C6: variants seen among roughly 807,000 people sequenced by gnomAD.
C6 encodes the protein complement C6.
Under a neutral mutation model 112.9 loss-of-function variants are expected in C6, and 101 were observed. The observed-to-expected ratio is 0.89, with a 90% CI of 0.76 to 1.06. C6 has a LOEUF of 1.06. C6 is among the 50% of genes least tolerant of loss of function. The pLI, the probability that C6 is intolerant of heterozygous loss-of-function variation, is 0.00. For missense variants in C6, 1,202 were observed against 1,104.6 expected, an observed-to-expected ratio of 1.09 and a Z score of -1.25; for synonymous variants, 431 against 384.1, an observed-to-expected ratio of 1.12 and a Z score of -1.43.
chr5:41,259,245 A>G lies in C6; in HGVS notation c.-21+1949T>C, dbSNP rs548167405. 3.3e-5 allele frequency among the ~76,000 whole-genome samples: 5 copies of G among 152,088 alleles called. No individual in the cohort carries two copies. In the South Asian group the frequency reaches 1.0e-3, roughly 32 times the overall value. ...TGTTTGATGAAATTATGAAAAAGAT[A>G]TAAATCTAACCTTAGTTCTTCTTAA... On this transcript the variant is annotated intron_variant, in intron 1 of 17. Transcript: ENST00000263413.
At chr5:41,150,730 T>C (rs1011615683) in intron 15 of C6, among the ~76,000 whole-genome samples, 1 of 151,706 alleles carries the variant, frequency 6.6e-6, no homozygotes, top group Non-Finnish European at 1.5e-5. Context: ...GTACTAAAAA[T>C]ACCAAAATTA....
chr5:41,173,556 C>T (rs1748603457), intron 8 of C6, among the ~76,000 whole-genome samples: 3 of 152,110 alleles, frequency 2.0e-5, no homozygotes, highest in African/African-American at 7.2e-5. Flanking sequence ...TTGCAGAATA[C>T]GAGCACATGA....
At chr5:41,166,473 G>A (rs908844195) in intron 9 of C6, among the ~76,000 whole-genome samples, 1 of 152,148 alleles carries the variant, frequency 6.6e-6, no homozygotes, top group African/African-American at 2.4e-5. Context: ...ACTTAGGACA[G>A]TGCCTGGAGC....
chr5:41,193,212 A>G lies in C6; in HGVS notation c.587+2580T>C, dbSNP rs183903194. ...TCACAAGCAAAAAAGGGCTTGAGAA[A>G]AATGGCTCTCAGGTCATGAGGAATC... On this transcript the variant is annotated intron_variant, in intron 5 of 17. Coordinates refer to ENST00000337836, the MANE Select transcript of C6 (RefSeq NM_000065.5). Among the ~76,000 whole-genome samples, 339 of 152,304 alleles carry G rather than the reference A, an allele frequency of 2.2e-3. 2 individuals carry two copies. The highest frequency in any genetic ancestry group is 4.2e-3 in the Non-Finnish European group (288 of 68,022).
intron 1 of C6, among the ~76,000 whole-genome samples, chr5:41,230,006 C>T (rs948589461): frequency 7.2e-5 from 11 of 152,200 alleles, no homozygotes; most frequent in South Asian, 2.1e-4. Flanking sequence ...TTACCGCAAT[C>T]GCTGAACATA....
At chr5:41,217,630 CT>C (rs1028053815), upstream of C6, among the ~76,000 whole-genome samples, 2 of 152,040 alleles carry the variant, frequency 1.3e-5, no homozygotes, top group Non-Finnish European at 2.9e-5. Context: ...GGAATAAACT[CT>C]TTGGTGATTC....
intron 1 of C6, among the ~76,000 whole-genome samples, chr5:41,248,408 A>T (rs538161322): frequency 6.6e-6 from 1 of 152,324 alleles, no homozygotes; most frequent in East Asian, 1.9e-4. Context: ...GGGAGTAAAT[A>T]TTTGCAAGCT....
At chr5:41,234,954 T>TGAGATTTGTCCTTCTATTCA (rs1315924790) in intron 1 of C6, among the ~76,000 whole-genome samples, 1 of 152,070 alleles carries the variant, frequency 6.6e-6, no homozygotes, top group East Asian at 1.9e-4. Context: ...GAATCTTGGC[T>TGAGATTTGTCCTTCTATTCA]GAGATTTGTC....
At chr5:41,144,786 C>T (rs1745662449) in intron 17 of C6, among the ~76,000 whole-genome samples, 1 of 152,096 alleles carries the variant, frequency 6.6e-6, no homozygotes, top group Non-Finnish European at 1.5e-5. Flanking sequence ...TTCTTTGTGT[C>T]CGTATGTTCT....
chr5:41,182,357 G>A lies in C6; in HGVS notation c.727-798C>T, dbSNP rs570718104. Among the ~76,000 whole-genome samples the A allele has an allele frequency of 1.3e-3, 191 of 150,964 alleles. 1 individual carries two copies. Among genetic ancestry groups the A allele is most frequent in the African/African-American group, 4.4e-3 (183 of 41,136 alleles). On this transcript the variant is annotated intron_variant, in intron 6 of 17. Transcript: ENST00000337836. ...CTTGCTTTCTAAGTGACTATTATCA[G>A]TAGAACGTACAGTATGAGTGGCACT...
At chr5:41,213,774 T>C (rs1003546103), upstream of C6, among the ~76,000 whole-genome samples, 3 of 152,192 alleles carry the variant, frequency 2.0e-5, no homozygotes, top group African/African-American at 4.8e-5. Context: ...CCCTTAGGAA[T>C]GTATAGATTC....
Position 41,161,824 on chromosome 5 carries a change from G to T in C6, c.1327C>A (p.Leu443Met). 6.2e-7 allele frequency: 1 copy of T among 1,613,616 alleles called. No individual in the cohort carries two copies. Among genetic ancestry groups the T allele is most frequent in the Non-Finnish European group, 8.5e-7 (1 of 1,179,690 alleles). ...FIQGAEKSISLIRGGRSEYGA... is the reference protein window; with the variant it reads ...FIQGAEKSISMIRGGRSEYGA... ...TATTCACTCCTTCCACCTCGAATCA[G>T]GGATATGGATTTCTCTGCTCCCTGT... Residue 443 changes from leucine (L) to methionine (M), a missense_variant, in exon 10 of 18, where the codon CTG becomes ATG. Physicochemically the swap from Leu to Met is conservative, Grantham distance 15 (BLOSUM62 2). Coordinates refer to ENST00000337836, the MANE Select transcript of C6 (RefSeq NM_000065.5).
At chr5:41,230,554 C>G (rs1182424684) in intron 1 of C6, among the ~76,000 whole-genome samples, 1 of 152,110 alleles carries the variant, frequency 6.6e-6, no homozygotes, top group Non-Finnish European at 1.5e-5. Flanking sequence ...CTCTTGAACT[C>G]TGTTTCTTGT....
intron 6 of C6, among the ~76,000 whole-genome samples, chr5:41,182,345 T>C (rs1749424538): frequency 6.6e-6 from 1 of 151,702 alleles, no homozygotes; most frequent in Non-Finnish European, 1.5e-5. Context: ...GCTTTCTAAG[T>C]GACTATTATC....
chr5:41,195,671 G>A, intron 5 of C6, 121 bp downstream of exon 5: 1 of 1,027,034 alleles, frequency 9.7e-7, no homozygotes, highest in Non-Finnish European at 1.5e-6. Flanking sequence ...ATCAGAGATA[G>A]GGCTGGTAGG....
At chr5:41,161,922 A>G (rs1747554433) in intron 9 of C6, 63 bp from the exon 10 acceptor site, 1 of 1,513,474 alleles carries the variant, frequency 6.6e-7, no homozygotes, top group Non-Finnish European at 9.2e-7. Flanking sequence ...TCTAAAACAA[A>G]CAAACAAAAA....
chr5:41,168,504 C>T (rs1748161925), intron 9 of C6, among the ~76,000 whole-genome samples: 2 of 152,158 alleles, frequency 1.3e-5, no homozygotes, highest in Non-Finnish European at 2.9e-5. Context: ...TGTGACGATG[C>T]TCCTACTCAT....
rs572321837 is a variant in C6, at chr5:41,166,421, C to T, written c.1292-4562G>A. 3.3e-5 allele frequency among the ~76,000 whole-genome samples: 5 copies of T among 152,244 alleles called. No individual in the cohort carries two copies. In the South Asian group the frequency reaches 8.3e-4, roughly 25 times the overall value. ...ATGGGGGTAATAATTGTACCAGTCT[C>T]ATGGGGTTGTTGTGAGAATTAGAAG... On this transcript the variant is annotated intron_variant, in intron 9 of 17. Transcript: ENST00000337836.
chr5:41,206,554 A>G (rs1422983943), intron 1 of C6, among the ~76,000 whole-genome samples: 3 of 152,234 alleles, frequency 2.0e-5, no homozygotes, highest in Admixed American at 1.3e-4. Context: ...GCTGAAAACC[A>G]TGGCACAAGA....
Sources: gnomAD v4.1 joint callset for allele counts (sites outside exome capture counted in the v4.1 genomes callset) on GRCh38, gnomAD v4.1.1 for gene constraint, MANE v1.5 for transcripts, NCBI Gene and HGNC (gene_info 2026-07-23, HGNC 2026-07-21) for gene names.